Variants in CNTNAP2 observed in about 807,000 individuals in gnomAD.
The protein encoded by CNTNAP2 is contactin associated protein 2.
A neutral mutation model predicts 155.2 loss-of-function variants in CNTNAP2; 98 were observed. That is an observed-to-expected ratio of 0.63 (90% CI 0.54 to 0.75). The LOEUF (loss-of-function observed/expected upper bound fraction) is 0.75. CNTNAP2 is among the 30% of genes least tolerant of loss of function. The probability of loss-of-function intolerance (pLI) is 0.00; values close to 1 mark genes in which losing one functional copy is unlikely to be tolerated. For synonymous variants in CNTNAP2, 651 were observed against 631.2 expected, an observed-to-expected ratio of 1.03 and a Z score of -0.47; for missense variants, 1,727 against 1,688.1, an observed-to-expected ratio of 1.02 and a Z score of -0.40.
chr7:147,241,896 G>T (rs1212791420), intron 8 of CNTNAP2, among the ~76,000 whole-genome samples: 1 of 152,128 alleles, frequency 6.6e-6, no homozygotes, highest in East Asian at 1.9e-4. Context: ...TTGGTGTACT[G>T]TGTTTTTATT....
intron 13 of CNTNAP2, among the ~76,000 whole-genome samples, chr7:147,855,702 T>G (rs1799024159): frequency 6.6e-6 from 1 of 152,188 alleles, no homozygotes; most frequent in Non-Finnish European, 1.5e-5. Flanking sequence ...CTCTCTATTT[T>G]CCTATTGCAA....
chr7:148,274,881 T>C (rs940820275), intron 21 of CNTNAP2, among the ~76,000 whole-genome samples: 7 of 152,236 alleles, frequency 4.6e-5, no homozygotes, highest in Admixed American at 1.3e-4. Flanking sequence ...TGTTTTGTCA[T>C]GTGTAAAATA....
chr7:147,503,364 G>A lies in CNTNAP2; in HGVS notation c.1777+17323G>A, dbSNP rs770448603. 4.5e-4 allele frequency among the ~76,000 whole-genome samples: 69 copies of A among 152,248 alleles called. 1 individual carries two copies. Among genetic ancestry groups the A allele is most frequent in the Admixed American group, 3.6e-3 (55 of 15,284 alleles). On this transcript the variant is annotated intron_variant, in intron 11 of 23. Transcript: ENST00000361727. The stretch of plus-strand genomic sequence containing the variant: ...TGGATTGAGTGTCCACATTGATCCA[G>A]TACAAATTAATCTTGACAAATTACA...
intron 2 of CNTNAP2, among the ~76,000 whole-genome samples, chr7:146,782,677 A>G (rs987819096): frequency 6.6e-6 from 1 of 152,192 alleles, no homozygotes; most frequent in Non-Finnish European, 1.5e-5. Flanking sequence ...ACACAAGGAT[A>G]ATCCTGAAAG....
At chr7:147,002,552 C>CAAA (rs1798443838) in intron 3 of CNTNAP2, among the ~76,000 whole-genome samples, 1 of 152,024 alleles carries the variant, frequency 6.6e-6, no homozygotes, top group East Asian at 1.9e-4. Flanking sequence ...CCTTTACTTT[C>CAAA]ATGCCAAGCA....
intron 15 of CNTNAP2, among the ~76,000 whole-genome samples, chr7:148,086,336 A>C (rs1166247217): frequency 6.6e-6 from 1 of 152,210 alleles, no homozygotes; most frequent in Non-Finnish European, 1.5e-5. Context: ...ACATTTCTCA[A>C]GTATCTATAG....
rs1464322849 is a variant in CNTNAP2 at position 146,151,692 on chromosome 7, ATATATG to A, written c.97+34725_97+34730del. Among the ~76,000 whole-genome samples the A allele has an allele frequency of 1.5e-3, 57 of 39,054 alleles. 1 individual carries two copies. The highest frequency in any genetic ancestry group is 4.6e-3 in the African/African-American group (37 of 8,072). The allele number at this position is 39,054 out of a possible 152,430, so 25.6% of individuals were successfully genotyped here. Reference sequence around the variant, plus strand: ...TATATATATATATATGTATATATATATATATGTATATATATATATATGTATATATAT... The same window carrying A: ...TATATATATATATATGTATATATATATATATATATATATATGTATATATAT... On this transcript the variant is annotated intron_variant, in intron 1 of 23. Coordinates refer to ENST00000361727, the MANE Select transcript of CNTNAP2 (RefSeq NM_014141.6).
rs1230362426 is a variant in CNTNAP2, at chr7:147,047,031, CAAA to C, written c.550+2994_550+2996del. Among the ~76,000 whole-genome samples, 231 of 49,862 alleles carry C rather than the reference CAAA, an allele frequency of 4.6e-3. 2 individuals carry two copies. Among genetic ancestry groups the C allele is most frequent in the African/African-American group, 0.014 (222 of 15,386 alleles). 32.7% of individuals were successfully genotyped at this position (49,862 alleles called of 152,430 possible). A position where few individuals can be genotyped will look rare whatever the true frequency, so the allele number is the denominator to read the frequency against. On this transcript the variant is annotated intron_variant, in intron 4 of 23. Transcript: ENST00000361727. ...TGGGCGACAGAGCCAGACTCCGTGT[CAAA>C]AAAAAAAAAAAAAAAAGTGTAGCCA...
chr7:147,111,511 A>G (rs993725620), intron 5 of CNTNAP2, among the ~76,000 whole-genome samples: 1 of 152,142 alleles, frequency 6.6e-6, no homozygotes, highest in Non-Finnish European at 1.5e-5. Context: ...GTTTTAAATT[A>G]AAGTCTTTAA....
chr7:147,926,796 A>T (rs561592013), intron 14 of CNTNAP2, among the ~76,000 whole-genome samples: 10 of 152,320 alleles, frequency 6.6e-5, no homozygotes, highest in African/African-American at 2.4e-4. Context: ...GCGTTTTTAA[A>T]CACTTCTTCA....
chr7:147,418,276 T>C (rs1173014757), intron 10 of CNTNAP2, among the ~76,000 whole-genome samples: 1 of 152,216 alleles, frequency 6.6e-6, no homozygotes, highest in East Asian at 1.9e-4. Context: ...CAGCTTTTAC[T>C]GAGCAGGTGG....
intron 11 of CNTNAP2, among the ~76,000 whole-genome samples, chr7:147,508,874 A>G (rs1798963792): frequency 6.6e-6 from 1 of 152,206 alleles, no homozygotes; most frequent in African/African-American, 2.4e-5. Context: ...TGAGTCCATT[A>G]AACCTCTTTT....
intron 9 of CNTNAP2, among the ~76,000 whole-genome samples, chr7:147,313,169 G>A (rs1026059441): frequency 6.6e-5 from 10 of 150,982 alleles, no homozygotes; most frequent in African/African-American, 2.0e-4. Flanking sequence ...TTAGCCCTTT[G>A]TCAGATGAGC....
intron 9 of CNTNAP2, among the ~76,000 whole-genome samples, chr7:147,325,532 C>T (rs995786280): frequency 2.0e-5 from 3 of 152,044 alleles, no homozygotes; most frequent in African/African-American, 7.2e-5. Context: ...AAATAGTTTG[C>T]TTTATTTACA....
At chr7:147,685,362 G>A (rs1035358900) in intron 13 of CNTNAP2, among the ~76,000 whole-genome samples, 4 of 151,828 alleles carry the variant, frequency 2.6e-5, no homozygotes, top group Admixed American at 1.3e-4. Context: ...TGATTGGAAG[G>A]GTTTCCAAGA....
chr7:148,112,829 A>C (rs1804381203), intron 15 of CNTNAP2, among the ~76,000 whole-genome samples: 1 of 151,992 alleles, frequency 6.6e-6, no homozygotes. Flanking sequence ...AATATCTAAA[A>C]GGTATAAATC....
chr7:148,253,055 T>TGATAGATA (rs56702767), intron 20 of CNTNAP2, among the ~76,000 whole-genome samples: 3,095 of 138,730 alleles, frequency 0.022, 92 homozygotes, highest in African/African-American at 0.058. Flanking sequence ...GATAGACAGA[T>TGATAGATA]GATAGATAGA....
chr7:146,338,692 C>T (rs1801321660), intron 1 of CNTNAP2, among the ~76,000 whole-genome samples: 1 of 152,026 alleles, frequency 6.6e-6, no homozygotes, highest in African/African-American at 2.4e-5. Context: ...AAATAATTAC[C>T]CCATGTTCCA....
intron 13 of CNTNAP2, among the ~76,000 whole-genome samples, chr7:147,775,708 T>C (rs1002358863): frequency 1.3e-5 from 2 of 151,922 alleles, no homozygotes; most frequent in African/African-American, 4.8e-5. Context: ...GCTGAATCAA[T>C]AGAAGATAAG....
Sources: allele counts gnomAD v4.1 joint callset (sites outside exome capture counted in the v4.1 genomes callset), GRCh38; gene constraint gnomAD v4.1.1; transcripts MANE v1.5; gene names NCBI Gene and HGNC (gene_info 2026-07-23, HGNC 2026-07-21).